Variants in RASSF3 observed in about 807,000 individuals in gnomAD.
RASSF3 encodes the protein Ras association domain family member 3.
A neutral mutation model predicts 19.9 loss-of-function variants in RASSF3; 19 were observed. The observed-to-expected ratio is 0.96, with a 90% CI of 0.67 to 1.40. The LOEUF (loss-of-function observed/expected upper bound fraction) is 1.40. RASSF3 is among the 40% of genes most tolerant of loss of function. The pLI, the probability that RASSF3 is intolerant of heterozygous loss-of-function variation, is 0.00. For missense variants in RASSF3, 306 were observed against 289.8 expected (o/e 1.06, Z -0.41); for synonymous variants, 110 against 104.2 (o/e 1.06, Z -0.34).
intron 2 of RASSF3, among the ~76,000 whole-genome samples, chr12:64,583,674 C>G (rs1315110842): frequency 6.6e-6 from 1 of 152,088 alleles, no homozygotes; most frequent in East Asian, 1.9e-4. Flanking sequence ...ATGATTTTTG[C>G]TGGCACCAGG....
rs184138191 is a variant in RASSF3 at position 64,617,930 on chromosome 12, A to G, written c.111+7187A>G. Reference sequence around the variant, plus strand: ...CTGTTTTACGTCCCTGTGTAAAACAATCACATTTCCTTATTGATGACTGTC... The same window carrying G: ...CTGTTTTACGTCCCTGTGTAAAACAGTCACATTTCCTTATTGATGACTGTC... On this transcript the variant is annotated intron_variant, in intron 1 of 4. Coordinates refer to ENST00000542104, the MANE Select transcript of RASSF3 (RefSeq NM_178169.4). Among the ~76,000 whole-genome samples, 676 of 152,314 alleles carry G rather than the reference A, an allele frequency of 4.4e-3. 3 individuals carry two copies. Among genetic ancestry groups the G allele is most frequent in the Non-Finnish European group, 7.1e-3 (481 of 68,020 alleles).
chr12:64,610,411 C>G (rs938225950), upstream of RASSF3: 4 of 157,990 alleles, frequency 2.5e-5, no homozygotes, highest in African/African-American at 9.7e-5. Flanking sequence ...GGGCGGGGCC[C>G]AGGGAGGCGG....
intron 2 of RASSF3, among the ~76,000 whole-genome samples, chr12:64,555,215 G>C (rs538784127): frequency 7.6e-4 from 116 of 151,942 alleles, no homozygotes; most frequent in African/African-American, 2.7e-3. Flanking sequence ...CTGCACTCCA[G>C]TGGGTGACAG....
At chr12:64,559,615 C>T (rs1328792184) in intron 2 of RASSF3, among the ~76,000 whole-genome samples, 1 of 152,168 alleles carries the variant, frequency 6.6e-6, no homozygotes, top group Non-Finnish European at 1.5e-5. Context: ...TTCTCTGCCA[C>T]CTGCCAGGGC....
At chr12:64,632,600 A>G (rs980753513) in intron 1 of RASSF3, among the ~76,000 whole-genome samples, 4 of 152,100 alleles carry the variant, frequency 2.6e-5, no homozygotes, top group Admixed American at 1.3e-4. Context: ...ACGAGAGAAA[A>G]GAAGGAGGTA....
chr12:64,684,736 G>A (rs370939151), intron 1 of RASSF3, 51 bp from the exon 2 acceptor site: 52 of 1,303,128 alleles, frequency 4.0e-5, no homozygotes, highest in Non-Finnish European at 5.6e-5. Flanking sequence ...CGGCCTATCC[G>A]CACTTTTTTT....
chr12:64,565,490 A>C (rs11829760), intron 2 of RASSF3, among the ~76,000 whole-genome samples: 11,714 of 152,246 alleles, frequency 0.077, 533 homozygotes, highest in South Asian at 0.13. Context: ...AGGGAGGTGG[A>C]TCACCTGAGG....
At chr12:64,687,055 C>T (rs564085024) in intron 2 of RASSF3, among the ~76,000 whole-genome samples, 29 of 151,112 alleles carry the variant, frequency 1.9e-4, no homozygotes, top group African/African-American at 6.1e-4. Context: ...GGCGTAATCT[C>T]GTAATCTCGG....
chr12:64,547,925 T>C (rs1326654591), intron 2 of RASSF3, among the ~76,000 whole-genome samples: 1 of 152,182 alleles, frequency 6.6e-6, no homozygotes, highest in Non-Finnish European at 1.5e-5. Flanking sequence ...AGAGATATAA[T>C]TGCCCTTAGT....
At chr12:64,646,824 A>G (rs1339610414) in intron 1 of RASSF3, among the ~76,000 whole-genome samples, 1 of 152,060 alleles carries the variant, frequency 6.6e-6, no homozygotes, top group African/African-American at 2.4e-5. Flanking sequence ...CAGATCTGGT[A>G]ATAATAACAA....
upstream of RASSF3, among the ~76,000 whole-genome samples, chr12:64,529,963 C>T (rs1868670150): frequency 6.6e-6 from 1 of 152,086 alleles, no homozygotes; most frequent in Non-Finnish European, 1.5e-5. Context: ...CTAACTGAGA[C>T]CCTGCAAACT....
upstream of RASSF3, among the ~76,000 whole-genome samples, chr12:64,532,272 C>T (rs1005963989): frequency 2.0e-5 from 3 of 150,860 alleles, no homozygotes; most frequent in Non-Finnish European, 4.4e-5. Context: ...CTCTCCTCTC[C>T]TCTTAATTCT....
At chr12:64,540,386 G>C (rs7968623) in intron 1 of RASSF3, among the ~76,000 whole-genome samples, 22,962 of 152,078 alleles carry the variant, frequency 0.15, 2,269 homozygotes, top group African/African-American at 0.28. Context: ...CAGTTTGATA[G>C]TTCCTCAAAA....
intron 2 of RASSF3, among the ~76,000 whole-genome samples, chr12:64,594,049 A>G (rs955079141): frequency 1.4e-5 from 2 of 144,330 alleles, no homozygotes; most frequent in Non-Finnish European, 3.0e-5. Flanking sequence ...GGGGAGGGCC[A>G]TGGCTGGGCG....
At chr12:64,575,350 G>A (rs576514508) in intron 2 of RASSF3, among the ~76,000 whole-genome samples, 7 of 152,224 alleles carry the variant, frequency 4.6e-5, no homozygotes, top group South Asian at 2.1e-4. Context: ...TCAGGAGATC[G>A]AAACCATCCT....
intron 2 of RASSF3, among the ~76,000 whole-genome samples, chr12:64,583,049 A>G (rs2136136336): frequency 6.6e-6 from 1 of 152,190 alleles, no homozygotes; most frequent in South Asian, 2.1e-4. Context: ...GTTCTCTTGC[A>G]AGACAAGCAG....
At chr12:64,533,000 A>C (rs918035350), upstream of RASSF3, among the ~76,000 whole-genome samples, 6 of 152,128 alleles carry the variant, frequency 3.9e-5, no homozygotes, top group Admixed American at 1.3e-4. Flanking sequence ...ACCTCCAATC[A>C]ACACTGCCGT....
At chr12:64,659,980 GTGTA>G (rs1555214860) in intron 1 of RASSF3, among the ~76,000 whole-genome samples, 10 of 148,032 alleles carry the variant, frequency 6.8e-5, no homozygotes, top group African/African-American at 1.5e-4. Flanking sequence ...GTGTGTGTGT[GTGTA>G]TGTATGTGTA....
At chr12:64,667,493 A>G (rs538109831) in intron 1 of RASSF3, among the ~76,000 whole-genome samples, 8 of 152,178 alleles carry the variant, frequency 5.3e-5, no homozygotes, top group Non-Finnish European at 8.8e-5. Flanking sequence ...CGCCCGGCCT[A>G]TTTTCTTTCT....
Sources: gnomAD v4.1 joint callset for allele counts (sites outside exome capture counted in the v4.1 genomes callset) on GRCh38, gnomAD v4.1.1 for gene constraint, MANE v1.5 for transcripts, NCBI Gene and HGNC (gene_info 2026-07-23, HGNC 2026-07-21) for gene names.